Variants in WHAMM observed in about 807,000 individuals in gnomAD.
WHAMM encodes the protein WASP homolog-associated protein with actin, membranes and microtubules.
WHAMM carries 67 observed loss-of-function variants against 76.5 expected under a neutral mutation model. The observed-to-expected ratio is 0.88, with a 90% confidence interval of 0.72 to 1.07. The LOEUF (loss-of-function observed/expected upper bound fraction) is 1.07. WHAMM is among the 50% of genes least tolerant of loss of function. The probability of loss-of-function intolerance (pLI) is 0.00; values close to 1 mark genes in which losing one functional copy is unlikely to be tolerated. For synonymous variants in WHAMM, 419 were observed against 422.1 expected (o/e 0.99, Z 0.09); for missense variants, 1,021 against 1,051.1 (o/e 0.97, Z 0.40).
rs536678141 is a variant in WHAMM, at chr15:82,810,450, G to A, written c.609+115G>A. On this transcript the variant is annotated intron_variant, in intron 1 of 9. Transcript: ENST00000286760. ...ACGGCTGACGGGGAGGAGCCGGCGG[G>A]CGGAGAAGGCCGCGGGCTCCCCAGT... 13 of 1,221,788 alleles carry A rather than the reference G, an allele frequency of 1.1e-5. No homozygotes were observed. In the Admixed American group the frequency reaches 1.3e-4, roughly 12 times the overall value. The allele number at this position is 1,221,788 out of a possible 1,614,324, so 75.7% of individuals were successfully genotyped here.
chr15:82,824,162 C>CTTT lies in WHAMM; in HGVS notation c.1458+886_1458+888dup, dbSNP rs71156055. Reference sequence around the variant, plus strand: ...TACTCATATTTACTATACTTTTCTCCTTTTTTTTTTTTTGAAACAGAGTCT... The same window carrying CTTT: ...TACTCATATTTACTATACTTTTCTCCTTTTTTTTTTTTTTTTGAAACAGAGTCT... On this transcript the variant is annotated intron_variant, in intron 6 of 9. Coordinates refer to ENST00000286760, the MANE Select transcript of WHAMM (RefSeq NM_001080435.3). 5.1e-5 allele frequency among the ~76,000 whole-genome samples: 6 copies of CTTT among 118,080 alleles called. 1 individual carries two copies. Among genetic ancestry groups the CTTT allele is most frequent in the Non-Finnish European group, 8.7e-5 (5 of 57,588 alleles). The allele number at this position is 118,080 out of a possible 152,430, so 77.5% of individuals were successfully genotyped here.
Position 82,823,357 on chromosome 15 carries a change from G to GT in WHAMM, c.1458+71dup, listed in dbSNP as rs1266035281. The GT allele has an allele frequency of 1.4e-5, 17 of 1,254,210 alleles. No homozygotes were observed. The South Asian group carries it at 5.0e-4, about 37-fold the overall frequency. 77.7% of individuals were successfully genotyped at this position (1,254,210 alleles called of 1,614,324 possible). A position where few individuals can be genotyped will look rare whatever the true frequency, so the allele number is the denominator to read the frequency against. ...ATTTATTCTTGTATGAAGGATAAAG[G>GT]TATTGAAATAAGGTTTTTACCAACA... is the stretch of plus-strand genomic sequence containing the variant. On this transcript the variant is annotated intron_variant, in intron 6 of 9. Coordinates refer to ENST00000286760, the MANE Select transcript of WHAMM (RefSeq NM_001080435.3).
chr15:82,818,610 A>G (rs956361117), intron 4 of WHAMM, among the ~76,000 whole-genome samples: 1 of 152,218 alleles, frequency 6.6e-6, no homozygotes, highest in African/African-American at 2.4e-5. Flanking sequence ...CAACTTTAAA[A>G]TAATCAAAGA....
At chr15:82,822,211 T>C (rs1162428578) in intron 5 of WHAMM, among the ~76,000 whole-genome samples, 1 of 152,220 alleles carries the variant, frequency 6.6e-6, no homozygotes, top group Non-Finnish European at 1.5e-5. Context: ...ATCTTAATAA[T>C]ATATTGCTGG....
chr15:82,816,713 C>T lies in WHAMM; in HGVS notation c.805C>T (p.Leu269=). The stretch of plus-strand genomic sequence containing the variant: ...GTAGAAGTCTTTGGATGAGGATGAC[C>T]TAGGTCCTAGAAGGGTAGTTGCCCT... ...DILKSLDEDD[L]GPRRVVALEK... The change falls in exon 3 of 10, where the codon CTA becomes TTA. Residue 269 remains leucine, a synonymous_variant. Coordinates refer to ENST00000286760, the MANE Select transcript of WHAMM (RefSeq NM_001080435.3). 6.4e-7 allele frequency: 1 copy of T among 1,556,342 alleles called. No homozygotes were observed. Among genetic ancestry groups the T allele is most frequent in the South Asian group, 1.2e-5 (1 of 84,226 alleles).
chr15:82,830,702 C>T lies in WHAMM; in HGVS notation c.1745C>T (p.Ala582Val), dbSNP rs146422343. 1.8e-4 allele frequency: 284 copies of T among 1,613,956 alleles called. 1 individual carries two copies. In the African/African-American group the frequency reaches 2.2e-3, roughly 13 times the overall value. ...SQQMCLPASHAVSVIHPSSRK... is the reference protein window; with the variant it reads ...SQQMCLPASHVVSVIHPSSRK... ...CAGATGTGCTTGCCAGCTTCCCACGCGGTGTCAGTAATTCACCCGTCCTCT... is the reference window on the plus strand; with the variant it reads ...CAGATGTGCTTGCCAGCTTCCCACGTGGTGTCAGTAATTCACCCGTCCTCT... Residue 582 changes from alanine to valine, a missense_variant, in exon 9 of 10, where the codon GCG becomes GTG. Physicochemically the swap from Ala to Val is moderately conservative, Grantham distance 64. Transcript: ENST00000286760.
Position 82,835,498 on chromosome 15 carries a change from C to A in WHAMM, c.*1962C>A, listed in dbSNP as rs1036569363. ...GGCACAGCTGGGAGGGGCGTGAGTC[C>A]CTTTCAGCAGCTGCAGCCTGGGTCT... On this transcript the variant is annotated 3_prime_UTR_variant, in exon 10 of 10. Transcript: ENST00000286760. 5.9e-5 allele frequency: 9 copies of A among 152,410 alleles called. No homozygotes were observed. Among genetic ancestry groups the A allele is most frequent in the African/African-American group, 2.2e-4 (9 of 41,470 alleles). The allele number at this position is 152,410 out of a possible 1,614,324, so 9.4% of individuals were successfully genotyped here.
At chr15:82,813,367 A>G (rs1323580943) in intron 2 of WHAMM, 91 bp downstream of exon 2, 1 of 1,173,108 alleles carries the variant, frequency 8.5e-7, no homozygotes, top group African/African-American at 1.6e-5. Flanking sequence ...CTCTGTTTGT[A>G]CTTTGTTTGG....
chr15:82,833,357 G>A lies in WHAMM; in HGVS notation c.2251G>A (p.Val751Ile). The change falls in exon 10 of 10, where the codon GTC (valine) becomes ATC (isoleucine). Residue 751 changes from valine to isoleucine, a missense_variant. Val to Ile is a conservative substitution (Grantham distance 29). This residue lies in a region of WHAMM where 509 missense variants were observed against 492.3 expected (regional missense o/e 1.03). Coordinates refer to ENST00000286760, the MANE Select transcript of WHAMM (RefSeq NM_001080435.3). Reference sequence around the variant, plus strand: ...CATTCTGGCTGCCATAAGGCAAGGGGTCAAACTGAAGAAAGTTCACCCTGA... The same window carrying A: ...CATTCTGGCTGCCATAAGGCAAGGGATCAAACTGAAGAAAGTTCACCCTGA... ...EHILAAIRQG[V>I]KLKKVHPDLG... is the part of the protein sequence containing the mutation. 6.2e-7 allele frequency: 1 copy of A among 1,614,052 alleles called. No individual in the cohort carries two copies. The highest frequency in any genetic ancestry group is 8.5e-7 in the Non-Finnish European group (1 of 1,179,894).
chr15:82,826,220 T>G (rs1004409834), intron 6 of WHAMM, among the ~76,000 whole-genome samples, 190 bp from the exon 7 acceptor site: 1 of 152,190 alleles, frequency 6.6e-6, no homozygotes, highest in African/African-American at 2.4e-5. Context: ...GGGAACAAAT[T>G]ATTTCCATAA....
intron 1 of WHAMM, chr15:82,810,771 A>G: frequency 1.0e-6 from 1 of 985,036 alleles, no homozygotes; most frequent in Non-Finnish European, 1.2e-6. Context: ...AGAGGAAGAA[A>G]TGGCTTTTAG....
At position 82,830,982 on chromosome 15, in the gene WHAMM, C is replaced by T. The variant is rs1566999343; in HGVS notation, c.2025C>T (p.Gly675=). The T allele has an allele frequency of 1.3e-6, 2 of 1,599,022 alleles. No homozygotes were observed. The highest frequency in any genetic ancestry group is 1.7e-6 in the Non-Finnish European group (2 of 1,173,996). ...SSQAATHQNL[G]FRAPVKDDQP... Reference sequence around the variant, plus strand: ...AAGCTGCAACTCATCAGAACTTAGGCTTCCGGGCTCCAGTGAAAGATGACC... The same window carrying T: ...AAGCTGCAACTCATCAGAACTTAGGTTTCCGGGCTCCAGTGAAAGATGACC... The change falls in exon 9 of 10, where the codon GGC becomes GGT. Residue 675 remains glycine, a synonymous_variant. Coordinates refer to ENST00000286760, the MANE Select transcript of WHAMM (RefSeq NM_001080435.3).
At chr15:82,829,936 A>G (rs1005171829) in intron 8 of WHAMM, among the ~76,000 whole-genome samples, 1 of 152,202 alleles carries the variant, frequency 6.6e-6, no homozygotes, top group Non-Finnish European at 1.5e-5. Context: ...TATCAAATGA[A>G]TACCTGAAAG....
Position 82,833,508 on chromosome 15 carries a change from A to T in WHAMM, c.2402A>T (p.Glu801Val). The T allele has an allele frequency of 6.2e-7, 1 of 1,613,870 alleles. No individual in the cohort carries two copies. The highest frequency in any genetic ancestry group is 8.5e-7 in the Non-Finnish European group (1 of 1,179,852). ...VSADSEEDSD[E>V]QDPGQWDG Reference sequence around the variant, plus strand: ...GCTGACTCTGAGGAGGACAGTGATGAGCAGGACCCTGGCCAGTGGGATGGT... The same window carrying T: ...GCTGACTCTGAGGAGGACAGTGATGTGCAGGACCCTGGCCAGTGGGATGGT... The change falls in exon 10 of 10, where the codon GAG (glutamate) becomes GTG (valine). Residue 801 changes from glutamate to valine, a missense_variant. Glu to Val is a moderately radical substitution (Grantham distance 121). This residue lies in a region of WHAMM where 509 missense variants were observed against 492.3 expected (regional missense o/e 1.03). Coordinates refer to ENST00000286760, the MANE Select transcript of WHAMM (RefSeq NM_001080435.3).
chr15:82,818,930 C>T (rs1261079593), intron 4 of WHAMM, among the ~76,000 whole-genome samples: 3 of 152,236 alleles, frequency 2.0e-5, no homozygotes, highest in Non-Finnish European at 4.4e-5. Context: ...TGATCCCTCT[C>T]TTTCTCTTCT....
intron 5 of WHAMM, among the ~76,000 whole-genome samples, chr15:82,820,084 T>A (rs1020302994): frequency 6.6e-6 from 1 of 152,158 alleles, no homozygotes; most frequent in African/African-American, 2.4e-5. Flanking sequence ...TTGTAGATTT[T>A]AAAATATGCT....
chr15:82,835,852 A>C lies in WHAMM; in HGVS notation c.*2316A>C, dbSNP rs1025251862. 1 of 152,270 alleles carries C rather than the reference A, an allele frequency of 6.6e-6. No individual in the cohort carries two copies. The highest frequency in any genetic ancestry group is 2.4e-5 in the African/African-American group (1 of 41,474). 9.4% of individuals were successfully genotyped at this position (152,270 alleles called of 1,614,324 possible). The stretch of plus-strand genomic sequence containing the variant: ...CACAGACAGGCCAGGCTCAGCATCA[A>C]ACTTCCTAGGGAAAGAATTTGGAAT... On this transcript the variant is annotated 3_prime_UTR_variant, in exon 10 of 10. Coordinates refer to ENST00000286760, the MANE Select transcript of WHAMM (RefSeq NM_001080435.3).
intron 9 of WHAMM, among the ~76,000 whole-genome samples, chr15:82,831,880 A>G (rs1010457298): frequency 6.6e-6 from 1 of 152,228 alleles, no homozygotes; most frequent in Non-Finnish European, 1.5e-5. Context: ...AAACTGTGCA[A>G]GGTTACTGTA....
In WHAMM at chr15:82,809,911, GGCCCGA is replaced by G. The variant is rs762622424; in HGVS notation, c.196_201del (p.Glu66_Pro67del). On this transcript the variant is annotated inframe_deletion, in exon 1 of 10. Transcript: ENST00000286760. ...CGGCTGCGCGAGGGGGCCCGGTTGG[GGCCCGA>G]GCCCGAGCCCAAGCCTGAGGCCGCC... 38 of 1,526,934 alleles carry G rather than the reference GGCCCGA, an allele frequency of 2.5e-5. No homozygotes were observed. In the South Asian group the frequency reaches 3.4e-4, roughly 14 times the overall value. 94.6% of individuals were successfully genotyped at this position (1,526,934 alleles called of 1,614,324 possible). A position where few individuals can be genotyped will look rare whatever the true frequency, so the allele number is the denominator to read the frequency against.
Sources: allele counts gnomAD v4.1 joint callset (sites outside exome capture counted in the v4.1 genomes callset), GRCh38; gene constraint gnomAD v4.1.1; regional missense constraint gnomAD v4.1.1; transcripts MANE v1.5; gene names NCBI Gene and HGNC (gene_info 2026-07-23, HGNC 2026-07-21).